Variants in KLRG2 observed in about 807,000 individuals in gnomAD.
The protein encoded by KLRG2 is killer cell lectin-like receptor subfamily G member 2.
In KLRG2, 39 loss-of-function variants were observed where a neutral mutation model predicts 35.4. The observed-to-expected ratio is 1.10, with a 90% confidence interval of 0.85 to 1.44. The LOEUF (loss-of-function observed/expected upper bound fraction) is 1.44. KLRG2 is among the 40% of genes most tolerant of loss of function. The pLI is 0.00. For synonymous variants in KLRG2, 283 were observed against 265.8 expected, an observed-to-expected ratio of 1.06 and a Z score of -0.63; for missense variants, 632 against 570.9, an observed-to-expected ratio of 1.11 and a Z score of -1.09.
At chr7:139,477,019 C>T (rs1206927134) in intron 3 of KLRG2, among the ~76,000 whole-genome samples, 2 of 152,188 alleles carry the variant, frequency 1.3e-5, no homozygotes, top group African/African-American at 4.8e-5. Flanking sequence ...AATACACACT[C>T]ATTAAAGCAC....
At chr7:139,450,255 G>C (rs1312649300), downstream of KLRG2, among the ~76,000 whole-genome samples, 1 of 149,872 alleles carries the variant, frequency 6.7e-6, no homozygotes, top group Admixed American at 6.7e-5. Context: ...ACGGAGTCTT[G>C]CTCTGTCGCC....
Position 139,454,140 on chromosome 7 carries a change from C to G in KLRG2, c.1080G>C (p.Trp360Cys), listed in dbSNP as rs1326734153. ...GAWRGPQGWH[W>C]IDEAPLPPQL... ...GGGGCGGGAGTGGGGCCTCGTCGATCCAGTGCCAGCCCTGGGGGCCTCGCC... is the reference window on the plus strand; with the variant it reads ...GGGGCGGGAGTGGGGCCTCGTCGATGCAGTGCCAGCCCTGGGGGCCTCGCC... The change falls in exon 4 of 5, where the codon TGG becomes TGC. Residue 360 changes from tryptophan (W) to cysteine (C), a missense_variant. Coordinates refer to ENST00000340940, the MANE Select transcript of KLRG2 (RefSeq NM_198508.4). The G allele has an allele frequency of 6.5e-7, 1 of 1,546,604 alleles. No homozygotes were observed. Among genetic ancestry groups the G allele is most frequent in the Non-Finnish European group, 8.7e-7 (1 of 1,143,774 alleles).
chr7:139,441,312 G>A, the KLRG2 span, among the ~76,000 whole-genome samples: 2 of 152,166 alleles, frequency 1.3e-5, no homozygotes, highest in Admixed American at 1.3e-4. Flanking sequence ...ATGAGTTCAT[G>A]TCCTTTGCAG....
In KLRG2 at chr7:139,479,627, C is replaced by T. The variant is rs770992810; in HGVS notation, c.1005G>A (p.Gln335=). ...CTTAGATTGGACACCCCCTTCTCAC[C>T]TGGGTGTGGCTTAGCAGGGGGAGGG... ...HATLPLLSHT[Q]DFLGRYPVSR... Residue 335 remains glutamine (Q), a splice_region_variant and synonymous_variant, in exon 3 of 5, where the codon CAG becomes CAA. Transcript: ENST00000340940. The T allele has an allele frequency of 1.2e-6, 2 of 1,612,048 alleles. No homozygotes were observed. Among genetic ancestry groups the T allele is most frequent in the East Asian group, 2.2e-5 (1 of 44,884 alleles).
intron 3 of KLRG2, among the ~76,000 whole-genome samples, chr7:139,461,744 C>G (rs76742656): frequency 4.6e-5 from 7 of 152,068 alleles, no homozygotes; most frequent in Admixed American, 6.5e-5. Context: ...AGCTGCCCCA[C>G]CCTTATCTCC....
At chr7:139,436,236 C>T in the KLRG2 span, among the ~76,000 whole-genome samples, 12 of 152,076 alleles carry the variant, frequency 7.9e-5, no homozygotes, top group Non-Finnish European at 1.6e-4. Flanking sequence ...ACTCTACCTG[C>T]GCATTTTTTT....
chr7:139,478,002 C>A (rs943360050), intron 3 of KLRG2, among the ~76,000 whole-genome samples: 1 of 151,710 alleles, frequency 6.6e-6, no homozygotes, highest in African/African-American at 2.4e-5. Context: ...TTGTGATCCA[C>A]CCGCCTCGGC....
intron 3 of KLRG2, among the ~76,000 whole-genome samples, chr7:139,455,142 C>T (rs919619257): frequency 1.3e-4 from 19 of 151,644 alleles, no homozygotes; most frequent in Admixed American, 1.2e-3. Flanking sequence ...CCTCAGCCTC[C>T]TGAGAGGCTG....
chr7:139,434,155 C>T, the KLRG2 span, among the ~76,000 whole-genome samples: 1 of 152,184 alleles, frequency 6.6e-6, no homozygotes, highest in Admixed American at 6.5e-5. Context: ...GAATAAGAAG[C>T]AAGCCGTGAG....
At chr7:139,465,688 T>G (rs1796640863) in intron 3 of KLRG2, among the ~76,000 whole-genome samples, 1 of 120,990 alleles carries the variant, frequency 8.3e-6, no homozygotes, top group Non-Finnish European at 1.8e-5. Flanking sequence ...TGAGACTCTG[T>G]CTCAAAAAAA....
rs1476331371 is a variant in KLRG2 at position 139,482,929 on chromosome 7, C to T, written c.714G>A (p.Gly238=). Residue 238 remains glycine, a synonymous_variant, in exon 1 of 5, where the codon GGG becomes GGA. Coordinates refer to ENST00000340940, the MANE Select transcript of KLRG2 (RefSeq NM_198508.4). ...KEDAALLPRA[G]LDGDEKLPRA... is the part of the protein sequence containing the mutation. ...GGGGCAGCTTCTCGTCGCCGTCCAA[C>T]CCCGCGCGGGGCAACAGCGCCGCAT... The T allele has an allele frequency of 1.2e-5, 18 of 1,494,626 alleles. No homozygotes were observed. The highest frequency in any genetic ancestry group is 1.4e-5 in the Non-Finnish European group (16 of 1,132,814). 92.6% of individuals were successfully genotyped at this position (1,494,626 alleles called of 1,614,324 possible).
the KLRG2 span, among the ~76,000 whole-genome samples, chr7:139,440,320 A>G: frequency 8.8e-6 from 1 of 113,254 alleles, no homozygotes; most frequent in African/African-American, 3.7e-5. Context: ...GGATCTCCCT[A>G]TGTTGCCCAG....
the KLRG2 span, among the ~76,000 whole-genome samples, chr7:139,444,119 ACTT>A: frequency 4.5e-4 from 69 of 152,280 alleles, no homozygotes; most frequent in Admixed American, 8.5e-4. Flanking sequence ...GCTCTTTCCA[ACTT>A]CTTCTGCCTT....
chr7:139,432,756 A>G, the KLRG2 span, among the ~76,000 whole-genome samples: 42 of 152,186 alleles, frequency 2.8e-4, no homozygotes, highest in Middle Eastern at 0.021. Context: ...TCACCTCTAC[A>G]TTGCTTATAA....
At chr7:139,466,029 GCTGGTCTGCCTCTTAGAACCT>G (rs1796648113) in intron 3 of KLRG2, among the ~76,000 whole-genome samples, 1 of 152,110 alleles carries the variant, frequency 6.6e-6, no homozygotes, top group African/African-American at 2.4e-5. Context: ...GTTACAAGCC[GCTGGTCTGCCTCTTAGAACCT>G]CTCATTTCCT....
chr7:139,433,311 GT>G, the KLRG2 span, among the ~76,000 whole-genome samples: 15,989 of 148,592 alleles, frequency 0.11, 2,878 homozygotes, highest in African/African-American at 0.38. Context: ...GTGGTGTGTG[GT>G]TTTTTTTTTG....
chr7:139,440,411 CT>C, the KLRG2 span, among the ~76,000 whole-genome samples: 298 of 40,484 alleles, frequency 7.4e-3, 1 homozygote, highest in Non-Finnish European at 0.01. Flanking sequence ...CCACACCTGG[CT>C]TTTTTTTTTT....
At chr7:139,445,781 G>GTATATATATATATATATATATGTATATA in the KLRG2 span, among the ~76,000 whole-genome samples, 32 of 98,420 alleles carry the variant, frequency 3.3e-4, 1 homozygote, top group Admixed American at 4.6e-4. Flanking sequence ...ATATATATAT[G>GTATATATATATATATATATATGTATATA]TATATATATA....
chr7:139,448,399 A>G (rs754929514), downstream of KLRG2, among the ~76,000 whole-genome samples: 1 of 152,238 alleles, frequency 6.6e-6, no homozygotes, highest in Non-Finnish European at 1.5e-5. Context: ...ATCCCAAATA[A>G]CATGATAAAT....
Sources: allele counts gnomAD v4.1 joint callset (sites outside exome capture counted in the v4.1 genomes callset), GRCh38; gene constraint gnomAD v4.1.1; transcripts MANE v1.5; gene names NCBI Gene and HGNC (gene_info 2026-07-23, HGNC 2026-07-21).